Variants in LRRC43 observed in about 807,000 individuals in gnomAD.
LRRC43 encodes leucine-rich repeat-containing protein 43.
LRRC43 carries 62 observed loss-of-function variants against 64.3 expected under a neutral mutation model. The observed-to-expected ratio is 0.96, with a 90% confidence interval of 0.79 to 1.19. The LOEUF (loss-of-function observed/expected upper bound fraction) is 1.19. Ranked by LOEUF, LRRC43 falls within the 50% of genes most tolerant of loss-of-function variation. LRRC43 has a pLI of 0.00. For missense variants in LRRC43, 868 were observed against 845.0 expected (o/e 1.03, Z -0.34); for synonymous variants, 422 against 382.3 (o/e 1.10, Z -1.21).
intron 4 of LRRC43, 82 bp downstream of exon 4, chr12:122,187,922 C>T: frequency 2.1e-6 from 3 of 1,456,264 alleles, no homozygotes; most frequent in South Asian, 1.2e-5. Context: ...GGCTTGAGAA[C>T]TCAGCTTTGG....
In LRRC43 at chr12:122,187,763, C is replaced by T. The variant is rs556698413; in HGVS notation, c.585C>T (p.Ala195=). ...SMECLCAHPP[A]GLQHLGLGHN... ...AGTGTCTGTGTGCCCACCCACCCGCCGGCCTGCAGCACTTGGGGTTAGGCC... is the reference window on the plus strand; with the variant it reads ...AGTGTCTGTGTGCCCACCCACCCGCTGGCCTGCAGCACTTGGGGTTAGGCC... Residue 195 remains alanine, a synonymous_variant, in exon 4 of 12, where the codon GCC becomes GCT. Transcript: ENST00000339777. 2.2e-5 allele frequency: 35 copies of T among 1,614,044 alleles called. No individual in the cohort carries two copies. The highest frequency in any genetic ancestry group is 1.3e-4 in the Admixed American group (8 of 60,006).
At chr12:122,173,576 C>G (rs916077238) in intron 1 of LRRC43, among the ~76,000 whole-genome samples, 2 of 151,666 alleles carry the variant, frequency 1.3e-5, no homozygotes, top group African/African-American at 4.9e-5. Context: ...CCCAGCTACT[C>G]GGGAGGCTGA....
chr12:122,181,787 G>A (rs367921362), upstream of LRRC43, among the ~76,000 whole-genome samples: 20 of 150,774 alleles, frequency 1.3e-4, no homozygotes, highest in South Asian at 2.3e-3. Context: ...TGTATTTTTA[G>A]TAGAGACGGG....
intron 1 of LRRC43, chr12:122,172,888 C>A: frequency 3.0e-6 from 2 of 677,544 alleles, no homozygotes; most frequent in Non-Finnish European, 2.5e-6. Context: ...TGTGCCATCA[C>A]CAACCCCATT....
intron 1 of LRRC43, among the ~76,000 whole-genome samples, chr12:122,169,196 C>G (rs1371089808): frequency 6.6e-6 from 1 of 152,136 alleles, no homozygotes; most frequent in Non-Finnish European, 1.5e-5. Flanking sequence ...AAGTTAAGCC[C>G]CACCTCCTGG....
At chr12:122,193,039 A>G in intron 7 of LRRC43, 35 bp downstream of exon 7, 1 of 1,606,660 alleles carries the variant, frequency 6.2e-7, no homozygotes, top group East Asian at 2.2e-5. Context: ...GCAAGTGGTC[A>G]GAGCAGTAGG....
At chr12:122,171,017 G>A (rs1163258888) in intron 1 of LRRC43, among the ~76,000 whole-genome samples, 2 of 152,184 alleles carry the variant, frequency 1.3e-5, no homozygotes, top group African/African-American at 2.4e-5. Context: ...TTTTGAGTCC[G>A]GGTGATCTCT....
At position 122,183,155 on chromosome 12, in the gene LRRC43, C is replaced by CGTACGA. The variant is rs1208184674; in HGVS notation, c.14_19dup (p.Tyr5_Glu6dup). On this transcript the variant is annotated inframe_insertion, in exon 1 of 12. Coordinates refer to ENST00000339777, the MANE Select transcript of LRRC43 (RefSeq NM_001098519.2). ...AACGCGGCCCGGGCCATGGAGGCGT[C>CGTACGA]GTACGAGTCCGAGTCCGAGTCCGAG... is the stretch of plus-strand genomic sequence containing the variant. The CGTACGA allele has an allele frequency of 1.5e-5, 23 of 1,546,090 alleles. No individual in the cohort carries two copies. Among genetic ancestry groups the CGTACGA allele is most frequent in the Non-Finnish European group, 1.9e-5 (22 of 1,152,630 alleles).
In LRRC43 at chr12:122,187,849, G is replaced by A. The variant is rs763287758; in HGVS notation, c.662+9G>A. 1 of 1,613,576 alleles carries A rather than the reference G, an allele frequency of 6.2e-7. No individual in the cohort carries two copies. The highest frequency in any genetic ancestry group is 1.1e-5 in the South Asian group (1 of 91,058). The stretch of plus-strand genomic sequence containing the variant: ...GTCACCGCTAATCACTGGTAACTCG[G>A]GAGCCCAGATGGAAAGTGAGAGGGA... On this transcript the variant is annotated intron_variant, in intron 4 of 11. Transcript: ENST00000339777.
rs1953618051 is a variant in LRRC43, at chr12:122,184,537, C to T, written c.169C>T (p.Pro57Ser). ...AGSWNKSRFL[P>S]QTWRTWRELV... ...ACTGCAGAATAAGTCGCGCTTTCTT[C>T]CTCAAACTTGGCGAACTTGGAGGGA... The change falls in exon 2 of 12, where the codon CCT (proline) becomes TCT (serine). Residue 57 changes from proline to serine, a missense_variant. Physicochemically the swap from Pro to Ser is moderately conservative, Grantham distance 74. Transcript: ENST00000339777. The surrounding 1 kb of genome is among the most constrained non-coding windows in gnomAD (Gnocchi z 4.0). 1.2e-6 allele frequency: 2 copies of T among 1,613,544 alleles called. No homozygotes were observed. Among genetic ancestry groups the T allele is most frequent in the South Asian group, 1.1e-5 (1 of 90,956 alleles).
chr12:122,197,848 G>A (rs1430556473), intron 7 of LRRC43, among the ~76,000 whole-genome samples: 1 of 152,080 alleles, frequency 6.6e-6, no homozygotes, highest in Non-Finnish European at 1.5e-5. Flanking sequence ...CCGGTAGATT[G>A]TTGAGTGCTA....
upstream of LRRC43, among the ~76,000 whole-genome samples, chr12:122,179,010 G>A (rs1392015145): frequency 2.0e-5 from 3 of 152,210 alleles, no homozygotes; most frequent in Admixed American, 1.3e-4. Flanking sequence ...TGGTACAAAC[G>A]AAGAGGATCA....
Position 122,168,403 on chromosome 12 carries a change from T to C in LRRC43, c.-406+621T>C, listed in dbSNP as rs145710595. On this transcript the variant is annotated intron_variant, in intron 1 of 5. Transcript: ENST00000537729. The stretch of plus-strand genomic sequence containing the variant: ...TTGTAATGAGCCGAGATTGCATCAT[T>C]GCACTCTAACCTGGGCAACAAAGGC... Among the ~76,000 whole-genome samples, 377 of 151,052 alleles carry C rather than the reference T, an allele frequency of 2.5e-3. 4 individuals carry two copies. The highest frequency in any genetic ancestry group is 8.6e-3 in the African/African-American group (352 of 41,070).
chr12:122,203,366 C>G lies in LRRC43; in HGVS notation c.1895C>G (p.Pro632Arg). 1 of 1,613,512 alleles carries G rather than the reference C, an allele frequency of 6.2e-7. No homozygotes were observed. The highest frequency in any genetic ancestry group is 8.5e-7 in the Non-Finnish European group (1 of 1,179,960). Residue 632 changes from proline (P) to arginine (R), a missense_variant, in exon 12 of 12, where the codon CCC (proline) becomes CGC (arginine). Transcript: ENST00000339777. ...TACGAAGGCGATTACCACCCTGAGC[C>G]CCTGACCGTAGAGGTGCAGATCCAG... The part of the protein sequence containing the change: ...PIYEGDYHPE[P>R]LTVEVQIQLN...
At chr12:122,183,432 C>A in intron 1 of LRRC43, 138 bp downstream of exon 1, 1 of 1,039,612 alleles carries the variant, frequency 9.6e-7, no homozygotes, top group Non-Finnish European at 1.3e-6. Context: ...GCGGGTGGGG[C>A]TTGAGGGTGA....
intron 11 of LRRC43, among the ~76,000 whole-genome samples, chr12:122,201,709 G>A (rs1271861127): frequency 2.6e-5 from 4 of 152,172 alleles, no homozygotes; most frequent in Admixed American, 2.0e-4. Flanking sequence ...AAATGGGTGC[G>A]TCTCAGGTTT....
chr12:122,172,589 CTCA>C, intron 1 of LRRC43: 1 of 1,614,190 alleles, frequency 6.2e-7, no homozygotes, highest in Non-Finnish European at 8.5e-7. Context: ...GCTCTATGAT[CTCA>C]TCAATAACAG....
intron 7 of LRRC43, among the ~76,000 whole-genome samples, chr12:122,194,372 G>A (rs183415846): frequency 7.3e-5 from 11 of 151,602 alleles, no homozygotes; most frequent in African/African-American, 2.7e-4. Flanking sequence ...GTCGAGACCC[G>A]CCTGACCAAC....
chr12:122,194,890 GT>G (rs1953759930), intron 7 of LRRC43, among the ~76,000 whole-genome samples: 1 of 152,112 alleles, frequency 6.6e-6, no homozygotes, highest in African/African-American at 2.4e-5. Context: ...TATAGATGTT[GT>G]CTTATGCTAT....
Sources: gnomAD v4.1 joint callset for allele counts (sites outside exome capture counted in the v4.1 genomes callset) on GRCh38, gnomAD v4.1.1 for gene constraint, Gnocchi (gnomAD v3.1) non-coding constraint, MANE v1.5 for transcripts, NCBI Gene and HGNC (gene_info 2026-07-23, HGNC 2026-07-21) for gene names.